The following BNC2 variants were observed in gnomAD, a reference collection of about 807,000 sequenced individuals.
The protein encoded by BNC2 is zinc finger protein basonuclin-2.
BNC2 carries 20 observed loss-of-function variants against 76.3 expected under a neutral mutation model. The ratio of observed to expected loss-of-function variants is 0.26; its 90% CI spans 0.18 to 0.38. The LOEUF is 0.38. Ranked by LOEUF, BNC2 falls within the 10% of genes least tolerant of loss-of-function variation. The probability of loss-of-function intolerance (pLI) is 1.00; values close to 1 mark genes in which losing one functional copy is unlikely to be tolerated. For missense variants in BNC2, 1,382 were observed against 1,399.8 expected, an observed-to-expected ratio of 0.99 and a Z score of 0.20; for synonymous variants, 582 against 514.8, an observed-to-expected ratio of 1.13 and a Z score of -1.77.
chr9:16,802,509 C>A (rs1459269051), intron 1 of BNC2, among the ~76,000 whole-genome samples: 1 of 152,192 alleles, frequency 6.6e-6, no homozygotes, highest in Non-Finnish European at 1.5e-5. Flanking sequence ...AGATCTAAAG[C>A]CCTTCCTGCA....
At chr9:16,640,786 G>T (rs941502319) in intron 3 of BNC2, among the ~76,000 whole-genome samples, 1 of 152,168 alleles carries the variant, frequency 6.6e-6, no homozygotes, top group Non-Finnish European at 1.5e-5. Context: ...CTAGGGAAGA[G>T]TCCAAACTGG....
chr9:16,599,905 T>C (rs1046724378), intron 3 of BNC2, among the ~76,000 whole-genome samples: 26 of 152,218 alleles, frequency 1.7e-4, no homozygotes, highest in African/African-American at 5.3e-4. Context: ...ACAAGCACCA[T>C]AGGACAAGCC....
At chr9:16,756,913 C>T (rs13299069) in intron 1 of BNC2, among the ~76,000 whole-genome samples, 122,806 of 151,324 alleles carry the variant, frequency 0.81, 51,308 homozygotes, top group Non-Finnish European at 0.91. Flanking sequence ...ATGGCCTGAA[C>T]CCGGGAGGTG....
intron 1 of BNC2, among the ~76,000 whole-genome samples, chr9:16,747,349 A>C: frequency 2.6e-5 from 1 of 38,072 alleles, no homozygotes; most frequent in East Asian, 1.0e-3. Context: ...AAAAGATACA[A>C]TTAACAGTAA....
chr9:16,514,602 TTATC>T (rs771993746), intron 5 of BNC2, among the ~76,000 whole-genome samples: 1 of 152,230 alleles, frequency 6.6e-6, no homozygotes, highest in Admixed American at 6.5e-5. Context: ...CCTCTCTTAT[TTATC>T]TTTCAGATGT....
intron 6 of BNC2, chr9:16,429,492 A>C (rs1279398464): frequency 2.0e-5 from 3 of 153,424 alleles, no homozygotes; most frequent in Non-Finnish European, 2.9e-5. Flanking sequence ...GGGAGGTGGA[A>C]ATCAGGAAGA....
chr9:16,640,665 T>C (rs1212444556), intron 3 of BNC2, among the ~76,000 whole-genome samples: 2 of 152,214 alleles, frequency 1.3e-5, no homozygotes, highest in African/African-American at 4.8e-5. Flanking sequence ...ACATTAAGCA[T>C]GACCTTAGGC....
intron 1 of BNC2, among the ~76,000 whole-genome samples, chr9:16,868,833 T>C (rs908203074): frequency 2.0e-4 from 30 of 152,208 alleles, no homozygotes; most frequent in Non-Finnish European, 4.1e-4. Flanking sequence ...GTAAATGTTC[T>C]GTTAACTTGT....
At chr9:16,476,809 A>C (rs80177210) in intron 5 of BNC2, among the ~76,000 whole-genome samples, 2,554 of 152,320 alleles carry the variant, frequency 0.017, 42 homozygotes, top group Non-Finnish European at 0.03. Context: ...CAGCTATTTA[A>C]TATTACAAGG....
intron 3 of BNC2, among the ~76,000 whole-genome samples, chr9:16,681,583 C>A (rs565227077): frequency 2.0e-5 from 3 of 152,144 alleles, no homozygotes; most frequent in Admixed American, 2.0e-4. Flanking sequence ...GTGTCACACA[C>A]ACAAACTCAC....
intron 1 of BNC2, among the ~76,000 whole-genome samples, chr9:16,870,387 C>T (rs1819651164): frequency 6.6e-6 from 1 of 152,114 alleles, no homozygotes; most frequent in Non-Finnish European, 1.5e-5. Context: ...TGAGAAGCCC[C>T]CTCTCACGTG....
chr9:16,570,504 G>C (rs1304618529), intron 4 of BNC2, among the ~76,000 whole-genome samples: 1 of 152,120 alleles, frequency 6.6e-6, no homozygotes, highest in Non-Finnish European at 1.5e-5. Context: ...CATATATCAA[G>C]TATCAAACTG....
At chr9:16,577,203 ATTTATTG>A in intron 4 of BNC2, among the ~76,000 whole-genome samples, 1 of 152,306 alleles carries the variant, frequency 6.6e-6, no homozygotes, top group East Asian at 1.9e-4. Flanking sequence ...ATTTAAAATC[ATTTATTG>A]TTTATTGATA....
chr9:16,491,093 G>A (rs553697627), intron 5 of BNC2, among the ~76,000 whole-genome samples: 1 of 152,296 alleles, frequency 6.6e-6, no homozygotes, highest in South Asian at 2.1e-4. Flanking sequence ...GGGCATAAAA[G>A]AATAGAGACT....
At chr9:16,675,756 G>A (rs184375990) in intron 3 of BNC2, among the ~76,000 whole-genome samples, 52 of 152,138 alleles carry the variant, frequency 3.4e-4, no homozygotes, top group Middle Eastern at 6.8e-3. Context: ...AAGATATTAG[G>A]TTACATAACT....
At position 16,727,823 on chromosome 9, in the gene BNC2, T is replaced by G; in HGVS notation, c.304A>C (p.Asn102His). The G allele has an allele frequency of 6.2e-7, 1 of 1,614,104 alleles. No homozygotes were observed. Among genetic ancestry groups the G allele is most frequent in the Non-Finnish European group, 8.5e-7 (1 of 1,179,982 alleles). The change falls in exon 3 of 7, where the codon AAC becomes CAC. Residue 102 changes from asparagine (N) to histidine (H), a missense_variant. Asn to His is a moderately conservative substitution (Grantham distance 68). Around this residue, in one of 3 missense-constraint regions of BNC2, gnomAD observed 557 missense variants for 540.9 expected, o/e 1.03. Coordinates refer to ENST00000380672, the MANE Select transcript of BNC2 (RefSeq NM_017637.6). Reference protein sequence around the residue: ...FMGTWQNADTNLLFRMSQQAI... With the variant: ...FMGTWQNADTHLLFRMSQQAI... ...TGTTGGGACATTCTGAATAAGAGGT[T>G]AGTATCAGCGTTTTGCCATGTCCCC...
chr9:16,504,926 A>G (rs1343777454), intron 5 of BNC2, among the ~76,000 whole-genome samples: 1 of 152,244 alleles, frequency 6.6e-6, no homozygotes, highest in Non-Finnish European at 1.5e-5. Context: ...AATTCTAGGT[A>G]ACATTATTTT....
At chr9:16,772,736 T>C (rs921276046) in intron 1 of BNC2, among the ~76,000 whole-genome samples, 1 of 152,216 alleles carries the variant, frequency 6.6e-6, no homozygotes, top group Admixed American at 6.5e-5. Context: ...TCTTTTGGTC[T>C]GGAGGATGTG....
At chr9:16,809,043 C>T (rs891523584) in intron 1 of BNC2, among the ~76,000 whole-genome samples, 1 of 152,146 alleles carries the variant, frequency 6.6e-6, no homozygotes, top group Non-Finnish European at 1.5e-5. Context: ...TGGAACCAGG[C>T]ACAACACTGG....
Sources: gnomAD v4.1 joint callset for allele counts (sites outside exome capture counted in the v4.1 genomes callset) on GRCh38, gnomAD v4.1.1 for gene constraint, gnomAD v4.1.1 regional missense constraint, MANE v1.5 for transcripts, NCBI Gene and HGNC (gene_info 2026-07-23, HGNC 2026-07-21) for gene names.